HPCAL1: variants seen among roughly 807,000 people sequenced by gnomAD.
HPCAL1 encodes hippocalcin-like protein 1.
In HPCAL1, 8 loss-of-function variants were observed where a neutral mutation model predicts 17.1. The ratio of observed to expected loss-of-function variants is 0.47; its 90% CI spans 0.27 to 0.84. HPCAL1 has a LOEUF of 0.84. Ranked by LOEUF, HPCAL1 falls within the 40% of genes least tolerant of loss-of-function variation. HPCAL1 has a pLI of 0.13. For missense variants in HPCAL1, 165 were observed against 271.1 expected (o/e 0.61, Z 2.75); for synonymous variants, 112 against 111.4 (o/e 1.01, Z -0.03).
In HPCAL1 at chr2:10,354,229, C is replaced by T. The variant is rs1487516499; in HGVS notation, c.-110-42606C>T. Reference sequence around the variant, plus strand: ...TCAACCCCTCAGGCCCAGCAGAAGTCCTCTCTGTCTTCTCCAGGCGCAGCC... The same window carrying T: ...TCAACCCCTCAGGCCCAGCAGAAGTTCTCTCTGTCTTCTCCAGGCGCAGCC... On this transcript the variant is annotated intron_variant, in intron 1 of 4. Transcript: ENST00000307845. This position sits in a 1 kb window ranked among gnomAD's most constrained non-coding sequence, Gnocchi z 5.1. 1 of 152,286 alleles carries T rather than the reference C, an allele frequency of 6.6e-6. No homozygotes were observed. The highest frequency in any genetic ancestry group is 1.5e-5 in the Non-Finnish European group (1 of 68,086). 9.4% of individuals were successfully genotyped at this position (152,286 alleles called of 1,614,324 possible). A position where few individuals can be genotyped will look rare whatever the true frequency, so the allele number is the denominator to read the frequency against.
At chr2:10,383,681 A>G (rs930115901) in intron 1 of HPCAL1, among the ~76,000 whole-genome samples, 1 of 108,638 alleles carries the variant, frequency 9.2e-6, no homozygotes, top group African/African-American at 4.2e-5. Flanking sequence ...TTTCTCAAAA[A>G]AAAAAGAAAA....
intron 1 of HPCAL1, chr2:10,303,591 C>G (rs1485127519): frequency 6.6e-6 from 1 of 152,296 alleles, no homozygotes; most frequent in South Asian, 2.1e-4. Flanking sequence ...CAGTGCGTAG[C>G]TTAGGAGCCT....
At position 10,304,950 on chromosome 2, in the gene HPCAL1, G is replaced by T. The variant is rs191462088; in HGVS notation, c.-111+1773G>T. Among the ~76,000 whole-genome samples, 1 of 152,334 alleles carries T rather than the reference G, an allele frequency of 6.6e-6. No homozygotes were observed. The highest frequency in any genetic ancestry group is 1.9e-4 in the East Asian group (1 of 5,180). On this transcript the variant is annotated intron_variant, in intron 1 of 4. Transcript: ENST00000307845. The surrounding 1 kb of genome is among the most constrained non-coding windows in gnomAD (Gnocchi z 4.1). ...GGGGCTACGTGATGGTGTTCCCAGA[G>T]AGGCGGGCTGCTTTGCGGGCTTTTA... is the stretch of plus-strand genomic sequence containing the variant.
chr2:10,384,468 C>T lies in HPCAL1; in HGVS notation c.-110-12367C>T, dbSNP rs1668179430. Among the ~76,000 whole-genome samples, 1 of 152,224 alleles carries T rather than the reference C, an allele frequency of 6.6e-6. No homozygotes were observed. Among genetic ancestry groups the T allele is most frequent in the South Asian group, 2.1e-4 (1 of 4,838 alleles). On this transcript the variant is annotated intron_variant, in intron 1 of 4. Coordinates refer to ENST00000307845, the MANE Select transcript of HPCAL1 (RefSeq NM_002149.4). The surrounding 1 kb of genome is among the most constrained non-coding windows in gnomAD (Gnocchi z 4.4). ...ACTCACTACTGCCCTCCACAAACTG[C>T]CATGCTTGCTTGGTGCACGGTGCTG...
chr2:10,305,511 G>A (rs1387134631), intron 1 of HPCAL1, among the ~76,000 whole-genome samples: 1 of 152,216 alleles, frequency 6.6e-6, no homozygotes, highest in Non-Finnish European at 1.5e-5. Context: ...AGCCTTGCCT[G>A]CTCCCTCTGC....
intron 2 of HPCAL1, among the ~76,000 whole-genome samples, chr2:10,404,355 G>A (rs1227260717): frequency 2.0e-5 from 3 of 152,264 alleles, no homozygotes; most frequent in South Asian, 4.2e-4. Context: ...CCCTCACCCC[G>A]TCTTTGCTGG....
intron 1 of HPCAL1, among the ~76,000 whole-genome samples, chr2:10,350,926 G>A (rs563327995): frequency 1.3e-5 from 2 of 152,310 alleles, no homozygotes; most frequent in South Asian, 4.2e-4. Flanking sequence ...AACTCCAGCG[G>A]AGATGAGGAA....
chr2:10,416,714 TC>T (rs1220491252), intron 2 of HPCAL1, among the ~76,000 whole-genome samples: 6 of 150,668 alleles, frequency 4.0e-5, no homozygotes, highest in South Asian at 4.3e-4. Context: ...TTTTTTTTTT[TC>T]CATGTAGAAA....
chr2:10,346,155 T>G (rs888054744), intron 1 of HPCAL1, among the ~76,000 whole-genome samples: 9 of 151,890 alleles, frequency 5.9e-5, no homozygotes, highest in Admixed American at 2.6e-4. Flanking sequence ...CAGGGGCTGG[T>G]GGCCTCCCAG....
chr2:10,385,591 C>T (rs115649332), intron 1 of HPCAL1, among the ~76,000 whole-genome samples: 1,833 of 152,210 alleles, frequency 0.012, 46 homozygotes, highest in African/African-American at 0.042. Context: ...GAGGAGATCA[C>T]GGCAAGCTGT....
At position 10,419,394 on chromosome 2, in the gene HPCAL1, G is replaced by A. The variant is rs947898609; in HGVS notation, c.-24-340G>A. On this transcript the variant is annotated intron_variant, in intron 2 of 4. Transcript: ENST00000307845. This position sits in a 1 kb window ranked among gnomAD's most constrained non-coding sequence, Gnocchi z 5.0. Reference sequence around the variant, plus strand: ...CCAGGAGCTGATGAGGGGGATGAAAGTAAGAACTGATTTTAATCTTCGCCT... The same window carrying A: ...CCAGGAGCTGATGAGGGGGATGAAAATAAGAACTGATTTTAATCTTCGCCT... Among the ~76,000 whole-genome samples the A allele has an allele frequency of 6.6e-6, 1 of 152,168 alleles. No individual in the cohort carries two copies. Among genetic ancestry groups the A allele is most frequent in the African/African-American group, 2.4e-5 (1 of 41,430 alleles).
chr2:10,409,724 T>C (rs969810270), intron 2 of HPCAL1, among the ~76,000 whole-genome samples: 5 of 150,348 alleles, frequency 3.3e-5, no homozygotes, highest in Admixed American at 1.3e-4. Context: ...CTCTGATTCC[T>C]TGAAGTTCAA....
rs138052081 is a variant in HPCAL1, at chr2:10,325,696, A to G, written c.-111+22519A>G. 6.4e-3 allele frequency among the ~76,000 whole-genome samples: 973 copies of G among 152,342 alleles called. 14 individuals carry two copies. The highest frequency in any genetic ancestry group is 0.022 in the African/African-American group (905 of 41,584). On this transcript the variant is annotated intron_variant, in intron 1 of 4. Transcript: ENST00000307845. ...TGCAGAGGGAACTGCTAATGCAGTCATGGCTTTAAGACGTCACAAGCCACA... is the reference window on the plus strand; with the variant it reads ...TGCAGAGGGAACTGCTAATGCAGTCGTGGCTTTAAGACGTCACAAGCCACA...
chr2:10,331,141 T>C lies in HPCAL1; in HGVS notation c.-111+27964T>C, dbSNP rs1424869774. Among the ~76,000 whole-genome samples, 1 of 152,114 alleles carries C rather than the reference T, an allele frequency of 6.6e-6. No homozygotes were observed. Among genetic ancestry groups the C allele is most frequent in the Non-Finnish European group, 1.5e-5 (1 of 67,998 alleles). On this transcript the variant is annotated intron_variant, in intron 1 of 4. Coordinates refer to ENST00000307845, the MANE Select transcript of HPCAL1 (RefSeq NM_002149.4). The surrounding 1 kb of genome is among the most constrained non-coding windows in gnomAD (Gnocchi z 5.0). ...CAAGTGACCGCACCCTCTTACTGCA[T>C]GCGGGCCTTGCCAAGAGCCTGCAGA...
At chr2:10,345,572 T>C (rs1226588127) in intron 1 of HPCAL1, among the ~76,000 whole-genome samples, 1 of 151,412 alleles carries the variant, frequency 6.6e-6, no homozygotes, top group East Asian at 1.9e-4. Context: ...TTCTCCCACC[T>C]CAGCCTCCCA....
chr2:10,340,903 A>G lies in HPCAL1; in HGVS notation c.-111+37726A>G, dbSNP rs185295930. Among the ~76,000 whole-genome samples the G allele has an allele frequency of 9.5e-4, 145 of 152,302 alleles. 2 individuals are homozygous for G. The South Asian group carries it at 0.018, about 19-fold the overall frequency. ...TCATGCTTCATGCCGAGTTCATGAA[A>G]TTAACTCTCAAACTCCTCTTCTCTG... On this transcript the variant is annotated intron_variant, in intron 1 of 4. Coordinates refer to ENST00000307845, the MANE Select transcript of HPCAL1 (RefSeq NM_002149.4).
chr2:10,346,289 G>A (rs888473037), intron 1 of HPCAL1, among the ~76,000 whole-genome samples: 8 of 152,114 alleles, frequency 5.3e-5, no homozygotes, highest in African/African-American at 1.9e-4. Flanking sequence ...ATTCTGTCTC[G>A]AGGCTCTGGG....
intron 2 of HPCAL1, chr2:10,408,449 G>C (rs1349463846): frequency 2.0e-5 from 3 of 152,282 alleles, no homozygotes; most frequent in African/African-American, 7.2e-5. Flanking sequence ...TTTCAGGAAG[G>C]CCTCCAGAAA....
intron 1 of HPCAL1, among the ~76,000 whole-genome samples, chr2:10,381,487 G>A (rs1033954886): frequency 6.6e-6 from 1 of 152,190 alleles, no homozygotes. Flanking sequence ...TAGACAGGGC[G>A]TTGTCACATC....
Sources: gnomAD v4.1 joint callset for allele counts (sites outside exome capture counted in the v4.1 genomes callset) on GRCh38, gnomAD v4.1.1 for gene constraint, Gnocchi (gnomAD v3.1) non-coding constraint, MANE v1.5 for transcripts, NCBI Gene and HGNC (gene_info 2026-07-23, HGNC 2026-07-21) for gene names.